FRK: variants seen among roughly 807,000 people sequenced by gnomAD.
The protein encoded by FRK is tyrosine-protein kinase FRK.
FRK carries 51 observed loss-of-function variants against 56.4 expected under a neutral mutation model. The observed-to-expected ratio is 0.90, with a 90% CI of 0.72 to 1.14. The LOEUF is 1.14. Among genes scored for constraint, FRK ranks in the 50% most tolerant of loss-of-function variants. FRK has a pLI of 0.00. For missense variants in FRK, 570 were observed against 601.4 expected, an observed-to-expected ratio of 0.95 and a Z score of 0.55; for synonymous variants, 245 against 217.9, an observed-to-expected ratio of 1.12 and a Z score of -1.10.
chr6:116,067,310 T>C, the FRK span, among the ~76,000 whole-genome samples: 1 of 152,256 alleles, frequency 6.6e-6, no homozygotes, highest in Non-Finnish European at 1.5e-5. Flanking sequence ...TTTAGGCCAC[T>C]CAGTCTTTGG....
intron 6 of FRK, among the ~76,000 whole-genome samples, chr6:115,943,774 A>T (rs1224475530): frequency 6.6e-6 from 1 of 152,170 alleles, no homozygotes; most frequent in Non-Finnish European, 1.5e-5. Context: ...ATTTAAGAGA[A>T]AAGCACCTAA....
intron 1 of FRK, among the ~76,000 whole-genome samples, chr6:116,023,873 T>C (rs1457905035): frequency 6.6e-6 from 1 of 152,208 alleles, no homozygotes; most frequent in Non-Finnish European, 1.5e-5. Context: ...TTTTACTGTG[T>C]GTAAACTGTA....
chr6:116,026,908 A>C (rs934695153), intron 1 of FRK, among the ~76,000 whole-genome samples: 1 of 152,156 alleles, frequency 6.6e-6, no homozygotes, highest in Non-Finnish European at 1.5e-5. Context: ...TTGGGCATGG[A>C]ATAAGGTATA....
chr6:116,028,041 A>G (rs7755134), intron 1 of FRK, among the ~76,000 whole-genome samples: 114 of 152,202 alleles, frequency 7.5e-4, no homozygotes, highest in African/African-American at 2.7e-3. Context: ...CTGCACAGTC[A>G]ACACTCAATA....
chr6:115,962,514 AG>A (rs1243148773), intron 4 of FRK, among the ~76,000 whole-genome samples: 2 of 97,224 alleles, frequency 2.1e-5, no homozygotes, highest in East Asian at 5.6e-4. Flanking sequence ...AAGGATACCC[AG>A]GAATTGAACT....
At chr6:115,947,727 G>C (rs2114525582) in intron 5 of FRK, among the ~76,000 whole-genome samples, 1 of 152,228 alleles carries the variant, frequency 6.6e-6, no homozygotes, top group Admixed American at 6.5e-5. Context: ...GTCATAGAGA[G>C]TTTTGAATTC....
chr6:116,069,277 G>C, the FRK span, among the ~76,000 whole-genome samples: 1 of 151,982 alleles, frequency 6.6e-6, no homozygotes, highest in South Asian at 2.1e-4. Context: ...CCAAGTTTGG[G>C]ATACAAAATT....
intron 5 of FRK, among the ~76,000 whole-genome samples, chr6:115,953,117 C>T (rs1033137447): frequency 2.2e-4 from 32 of 146,554 alleles, no homozygotes; most frequent in African/African-American, 8.0e-4. Flanking sequence ...AAAAAAGAAT[C>T]TTTCATCTTA....
In FRK at chr6:115,962,135, T is replaced by C. The variant is rs560934505; in HGVS notation, c.799+5416A>G. On this transcript the variant is annotated intron_variant, in intron 4 of 7. Transcript: ENST00000606080. Reference sequence around the variant, plus strand: ...AAAAAGTCAAGACCCATCAGTGTGCTGTATTCAGGAAACCCATCTCACGTG... The same window carrying C: ...AAAAAGTCAAGACCCATCAGTGTGCCGTATTCAGGAAACCCATCTCACGTG... Among the ~76,000 whole-genome samples the C allele has an allele frequency of 3.0e-4, 43 of 142,134 alleles. No individual in the cohort carries two copies. The East Asian group carries it at 8.3e-3, about 28-fold the overall frequency. The allele number at this position is 142,134 out of a possible 152,430, so 93.2% of individuals were successfully genotyped here.
chr6:116,041,831 G>A (rs1490403446), intron 1 of FRK, among the ~76,000 whole-genome samples: 2 of 152,202 alleles, frequency 1.3e-5, no homozygotes, highest in Non-Finnish European at 2.9e-5. Flanking sequence ...CGTTTGGGCA[G>A]ACACCAAGCT....
chr6:116,015,591 T>C (rs1775619029), intron 1 of FRK, among the ~76,000 whole-genome samples: 1 of 152,202 alleles, frequency 6.6e-6, no homozygotes, highest in Non-Finnish European at 1.5e-5. Flanking sequence ...CAGGAATATG[T>C]AGGAAAGTTT....
intron 2 of FRK, among the ~76,000 whole-genome samples, chr6:115,977,634 A>C (rs1223398734): frequency 6.6e-6 from 1 of 152,196 alleles, no homozygotes; most frequent in Non-Finnish European, 1.5e-5. Context: ...CTGGTCAAGA[A>C]GCCCAGCTGA....
the FRK span, among the ~76,000 whole-genome samples, chr6:116,069,000 T>A: frequency 6.6e-6 from 1 of 152,322 alleles, no homozygotes; most frequent in Non-Finnish European, 1.5e-5. Context: ...CTGAATATTC[T>A]TGTATATGCA....
chr6:115,969,378 T>A (rs1407218904), intron 2 of FRK, among the ~76,000 whole-genome samples: 1 of 152,168 alleles, frequency 6.6e-6, no homozygotes, highest in Admixed American at 6.5e-5. Context: ...TATTGCTTCA[T>A]CCAAGGGTAA....
chr6:116,008,309 T>C (rs1775329313), intron 1 of FRK, among the ~76,000 whole-genome samples: 1 of 152,328 alleles, frequency 6.6e-6, no homozygotes. Context: ...TTTTGTATAA[T>C]AGATTGGTAC....
At chr6:116,046,427 T>C (rs935409542) in intron 1 of FRK, among the ~76,000 whole-genome samples, 1 of 152,194 alleles carries the variant, frequency 6.6e-6, no homozygotes, top group Non-Finnish European at 1.5e-5. Flanking sequence ...GTAGCACATA[T>C]ACACCATGGA....
intron 1 of FRK, among the ~76,000 whole-genome samples, chr6:116,038,542 T>C (rs1411634664): frequency 6.6e-6 from 1 of 152,202 alleles, no homozygotes; most frequent in Non-Finnish European, 1.5e-5. Flanking sequence ...AAGAAAACCA[T>C]GATGTGTAAT....
intron 5 of FRK, among the ~76,000 whole-genome samples, chr6:115,947,653 G>C (rs1772523223): frequency 6.6e-6 from 1 of 151,984 alleles, no homozygotes; most frequent in Non-Finnish European, 1.5e-5. Context: ...TTACCCTTTA[G>C]AGAAAGCCAC....
At chr6:115,949,860 G>T (rs1237017093) in intron 5 of FRK, among the ~76,000 whole-genome samples, 1 of 151,780 alleles carries the variant, frequency 6.6e-6, no homozygotes, top group Non-Finnish European at 1.5e-5. Context: ...CAGAACAGAG[G>T]CCTCAGAAAT....
Sources: allele counts gnomAD v4.1 joint callset (sites outside exome capture counted in the v4.1 genomes callset), GRCh38; gene constraint gnomAD v4.1.1; transcripts MANE v1.5; gene names NCBI Gene and HGNC (gene_info 2026-07-23, HGNC 2026-07-21).